Variants in INPP4B observed in about 807,000 individuals in gnomAD.
The protein encoded by INPP4B is inositol polyphosphate 4-phosphatase type II.
INPP4B carries 55 observed loss-of-function variants against 122.5 expected under a neutral mutation model. That is an observed-to-expected ratio of 0.45 (90% CI 0.36 to 0.56). INPP4B has a LOEUF of 0.56. INPP4B is among the 20% of genes least tolerant of loss of function. INPP4B has a pLI of 0.00. For synonymous variants in INPP4B, 403 were observed against 388.7 expected, an observed-to-expected ratio of 1.04 and a Z score of -0.43; for missense variants, 1,000 against 1,097.7, an observed-to-expected ratio of 0.91 and a Z score of 1.26.
At chr4:142,087,677 T>C (rs963376111) in intron 23 of INPP4B, among the ~76,000 whole-genome samples, 1 of 152,216 alleles carries the variant, frequency 6.6e-6, no homozygotes, top group Non-Finnish European at 1.5e-5. Flanking sequence ...TCACAAAAAC[T>C]GACACAAATG....
intron 7 of INPP4B, among the ~76,000 whole-genome samples, chr4:142,398,401 A>AAAAAAAAAAAAATAT (rs1800278058): frequency 7.0e-5 from 2 of 28,496 alleles, no homozygotes; most frequent in Admixed American, 5.9e-4. Context: ...AAAAAAAAAA[A>AAAAAAAAAAAAATAT]ATATATATAT....
chr4:142,279,980 C>T (rs1371382909), intron 9 of INPP4B, among the ~76,000 whole-genome samples: 1 of 151,854 alleles, frequency 6.6e-6, no homozygotes, highest in African/African-American at 2.4e-5. Flanking sequence ...ATATGGATGG[C>T]AAATAGCACA....
At chr4:142,170,478 A>T (rs2152939188) in intron 16 of INPP4B, among the ~76,000 whole-genome samples, 1 of 151,876 alleles carries the variant, frequency 6.6e-6, no homozygotes, top group Middle Eastern at 3.4e-3. Flanking sequence ...TATACTGGTC[A>T]GGCTCACAGA....
chr4:142,717,158 C>T (rs1400330978), intron 2 of INPP4B, among the ~76,000 whole-genome samples: 1 of 152,070 alleles, frequency 6.6e-6, no homozygotes, highest in African/African-American at 2.4e-5. Context: ...ATAGAGTGGG[C>T]AGGTAGACCT....
chr4:142,252,102 G>C (rs2150207674), intron 11 of INPP4B, among the ~76,000 whole-genome samples: 1 of 151,948 alleles, frequency 6.6e-6, no homozygotes, highest in East Asian at 1.9e-4. Flanking sequence ...GATAATGATA[G>C]TACCTTCCTC....
chr4:142,492,558 T>C (rs1822016467), intron 2 of INPP4B, among the ~76,000 whole-genome samples: 1 of 152,154 alleles, frequency 6.6e-6, no homozygotes. Flanking sequence ...TGGTCTCAGA[T>C]GGACAGAAGG....
intron 23 of INPP4B, among the ~76,000 whole-genome samples, chr4:142,086,648 C>T (rs963037264): frequency 1.3e-5 from 2 of 152,216 alleles, no homozygotes; most frequent in African/African-American, 4.8e-5. Context: ...AGCCACTGCA[C>T]CCAGCCTCAA....
intron 2 of INPP4B, among the ~76,000 whole-genome samples, chr4:142,500,792 T>C (rs559241571): frequency 3.3e-5 from 5 of 152,236 alleles, no homozygotes; most frequent in South Asian, 4.1e-4. Context: ...GGACAAATAC[T>C]GCATGATTCC....
At chr4:142,394,093 A>G (rs1798574903) in intron 7 of INPP4B, among the ~76,000 whole-genome samples, 1 of 152,236 alleles carries the variant, frequency 6.6e-6, no homozygotes, top group Admixed American at 6.5e-5. Context: ...ACCAATTTAC[A>G]TTCCCACCAA....
At position 142,487,274 on chromosome 4, in the gene INPP4B, T is replaced by C. The variant is rs75847689; in HGVS notation, c.-190-24548A>G. Among the ~76,000 whole-genome samples the C allele has an allele frequency of 8.9e-4, 136 of 152,264 alleles. 5 individuals are homozygous for C. In the East Asian group the frequency reaches 0.025, roughly 28 times the overall value. ...CAATAAACCTCTTTCTTTTGTAAAT[T>C]GCCCAGTCTCAGGTATGTGTTTATG... is the stretch of plus-strand genomic sequence containing the variant. On this transcript the variant is annotated intron_variant, in intron 2 of 25. Transcript: ENST00000262992.
chr4:142,559,185 G>T (rs1580366915), intron 2 of INPP4B, among the ~76,000 whole-genome samples: 2 of 152,242 alleles, frequency 1.3e-5, no homozygotes, highest in South Asian at 4.1e-4. Context: ...TAAACAAAGT[G>T]ATTTGCAATA....
intron 2 of INPP4B, among the ~76,000 whole-genome samples, chr4:142,581,179 T>C (rs2150201606): frequency 6.6e-6 from 1 of 152,212 alleles, no homozygotes; most frequent in Admixed American, 6.6e-5. Flanking sequence ...TACTTTTGTT[T>C]ACTCTTTGCA....
intron 12 of INPP4B, among the ~76,000 whole-genome samples, chr4:142,214,389 G>T (rs2636682): frequency 0.53 from 80,776 of 151,984 alleles, 25,906 homozygotes; most frequent in Non-Finnish European, 0.69. Flanking sequence ...AATACAGTCT[G>T]GATCTTCTGA....
At chr4:142,251,557 C>T (rs573197328) in intron 11 of INPP4B, among the ~76,000 whole-genome samples, 34 of 152,194 alleles carry the variant, frequency 2.2e-4, no homozygotes, top group East Asian at 1.2e-3. Flanking sequence ...CCCTTCAAAA[C>T]GCTATTTAGT....
chr4:142,194,125 T>G (rs982210647), intron 14 of INPP4B, among the ~76,000 whole-genome samples: 1 of 152,066 alleles, frequency 6.6e-6, no homozygotes, highest in African/African-American at 2.4e-5. Context: ...TTCTTCAGAG[T>G]AGTTCAATCC....
At chr4:142,174,771 C>A (rs1174727294) in intron 15 of INPP4B, among the ~76,000 whole-genome samples, 3 of 151,908 alleles carry the variant, frequency 2.0e-5, no homozygotes, top group Non-Finnish European at 4.4e-5. Flanking sequence ...ACTACAGGTA[C>A]AAGCCATCAC....
At chr4:142,428,915 T>A (rs891657012) in intron 5 of INPP4B, among the ~76,000 whole-genome samples, 1 of 151,946 alleles carries the variant, frequency 6.6e-6, no homozygotes, top group African/African-American at 2.4e-5. Flanking sequence ...TTAGACTGAG[T>A]GCTGGGCATG....
chr4:142,495,270 TAAA>T (rs998191341), intron 2 of INPP4B, among the ~76,000 whole-genome samples: 17 of 148,498 alleles, frequency 1.1e-4, no homozygotes, highest in African/African-American at 4.2e-4. Context: ...TTCTGATTCA[TAAA>T]AATACCAAAA....
At chr4:142,807,510 C>T (rs1261544817) in intron 1 of INPP4B, among the ~76,000 whole-genome samples, 1 of 152,158 alleles carries the variant, frequency 6.6e-6, no homozygotes, top group East Asian at 1.9e-4. Context: ...ATAGTTTAGA[C>T]TTCATCTTGG....
Sources: allele counts gnomAD v4.1 joint callset (sites outside exome capture counted in the v4.1 genomes callset), GRCh38; gene constraint gnomAD v4.1.1; transcripts MANE v1.5; gene names NCBI Gene and HGNC (gene_info 2026-07-23, HGNC 2026-07-21).